SRBD1: variants seen among roughly 807,000 people sequenced by gnomAD.
SRBD1 encodes S1 RNA-binding domain-containing protein 1.
In SRBD1, 88 loss-of-function variants were observed where a neutral mutation model predicts 115.3. The ratio of observed to expected loss-of-function variants is 0.76; its 90% CI spans 0.64 to 0.91. The LOEUF (loss-of-function observed/expected upper bound fraction) is 0.91, where lower values mean the gene tolerates loss of function less well. SRBD1 is among the 40% of genes least tolerant of loss of function. The pLI is 0.00. For synonymous variants in SRBD1, 509 were observed against 407.7 expected, an observed-to-expected ratio of 1.25 and a Z score of -2.99; for missense variants, 1,385 against 1,177.4, an observed-to-expected ratio of 1.18 and a Z score of -2.58.
At chr2:45,409,775 A>ATATATAT (rs1408141282) in intron 19 of SRBD1, among the ~76,000 whole-genome samples, 3 of 152,168 alleles carry the variant, frequency 2.0e-5, no homozygotes, top group Non-Finnish European at 4.4e-5. Flanking sequence ...AATAGTGTTG[A>ATATATAT]AAAACATATA....
intron 16 of SRBD1, among the ~76,000 whole-genome samples, chr2:45,470,650 C>T (rs1669620606): frequency 1.3e-5 from 2 of 152,226 alleles, no homozygotes; most frequent in Middle Eastern, 3.4e-3. Context: ...TATGACAAGG[C>T]CAAGCTAAAC....
intron 18 of SRBD1, among the ~76,000 whole-genome samples, chr2:45,414,896 CACACACATATAGTGTGTATATAGTATGT>C (rs1483520652): frequency 2.3e-5 from 3 of 132,866 alleles, no homozygotes; most frequent in African/African-American, 3.1e-5. Context: ...ATAGTATGTA[CACACACATATAGTGTGTATATAGTATGT>C]ACACACACAG....
intron 16 of SRBD1, among the ~76,000 whole-genome samples, chr2:45,457,917 T>C (rs112611432): frequency 4.0e-4 from 61 of 152,150 alleles, no homozygotes; most frequent in African/African-American, 1.1e-3. Context: ...TCATACAAAA[T>C]ATGCTTTTCA....
intron 14 of SRBD1, among the ~76,000 whole-genome samples, chr2:45,506,341 G>A (rs1670796532): frequency 6.6e-6 from 1 of 152,054 alleles, no homozygotes; most frequent in East Asian, 1.9e-4. Flanking sequence ...CCTCTCTTAT[G>A]GCACAAGATA....
intron 14 of SRBD1, among the ~76,000 whole-genome samples, chr2:45,496,203 G>A (rs569805304): frequency 2.6e-5 from 4 of 152,244 alleles, no homozygotes; most frequent in African/African-American, 9.6e-5. Flanking sequence ...TAGCTTAAAT[G>A]CATCTGTGGG....
chr2:45,391,913 T>C (rs2103812408), intron 20 of SRBD1, among the ~76,000 whole-genome samples: 1 of 152,212 alleles, frequency 6.6e-6, no homozygotes, highest in South Asian at 2.1e-4. Flanking sequence ...CCATACCACC[T>C]CCAAATCCAG....
intron 18 of SRBD1, among the ~76,000 whole-genome samples, chr2:45,414,932 C>T (rs910501388): frequency 9.1e-6 from 1 of 109,846 alleles, no homozygotes; most frequent in Non-Finnish European, 1.7e-5. Flanking sequence ...TGTACACACA[C>T]AGTGTTATAT....
intron 8 of SRBD1, among the ~76,000 whole-genome samples, chr2:45,573,904 T>G (rs2104152445): frequency 6.6e-6 from 1 of 152,214 alleles, no homozygotes; most frequent in South Asian, 2.1e-4. Flanking sequence ...CTAGGTCATC[T>G]CCTCCTTTCC....
At chr2:45,582,972 A>C (rs1673411592) in intron 5 of SRBD1, among the ~76,000 whole-genome samples, 1 of 152,182 alleles carries the variant, frequency 6.6e-6, no homozygotes, top group Admixed American at 6.5e-5. Flanking sequence ...TACAGGGATC[A>C]CTAAACAACT....
chr2:45,418,352 TACTTATACTCACCTGC>T lies in SRBD1; in HGVS notation c.2330_2333+12del. The T allele has an allele frequency of 6.2e-7, 1 of 1,612,388 alleles. No homozygotes were observed. The highest frequency in any genetic ancestry group is 2.2e-5 in the East Asian group (1 of 44,848). On this transcript the variant is annotated splice_donor_variant and splice_donor_5th_base_variant and coding_sequence_variant and intron_variant, in exon 18 of 21. Transcript: ENST00000263736. LOFTEE classifies it high-confidence loss of function. ...AGGTTGACAATAGAATCAAAGTGTA[TACTTATACTCACCTGC>T]AAAACGTTCGGATATAATCCTGGTT...
At chr2:45,499,269 A>G (rs1234177449) in intron 14 of SRBD1, among the ~76,000 whole-genome samples, 3 of 152,116 alleles carry the variant, frequency 2.0e-5, no homozygotes, top group Non-Finnish European at 4.4e-5. Flanking sequence ...TTTCTTTAAT[A>G]TATCTAGTGG....
chr2:45,477,758 T>C (rs1366756308), intron 15 of SRBD1, among the ~76,000 whole-genome samples: 1 of 152,182 alleles, frequency 6.6e-6, no homozygotes, highest in Non-Finnish European at 1.5e-5. Context: ...ACTTGGCTAA[T>C]GAATATACTC....
intron 1 of SRBD1, among the ~76,000 whole-genome samples, chr2:45,610,518 T>C (rs1316611558): frequency 6.6e-6 from 1 of 152,238 alleles, no homozygotes; most frequent in Non-Finnish European, 1.5e-5. Flanking sequence ...CAAAGGACTA[T>C]AGCCCAGTGC....
intron 4 of SRBD1, among the ~76,000 whole-genome samples, chr2:45,586,710 A>ATTT (rs747668841): frequency 6.9e-6 from 1 of 145,212 alleles, no homozygotes; most frequent in Admixed American, 6.9e-5. Context: ...CACCTGGCTA[A>ATTT]TTTTTTTTTT....
chr2:45,543,314 G>A (rs1672005726), intron 14 of SRBD1, among the ~76,000 whole-genome samples: 1 of 152,164 alleles, frequency 6.6e-6, no homozygotes, highest in African/African-American at 2.4e-5. Context: ...GTATTTTAAG[G>A]GTAGGGAGAG....
intron 4 of SRBD1, among the ~76,000 whole-genome samples, chr2:45,598,428 C>T (rs1319061644): frequency 1.3e-5 from 2 of 151,768 alleles, no homozygotes; most frequent in Non-Finnish European, 2.9e-5. Context: ...TCCTGGCTAA[C>T]ACGGTGAAAC....
chr2:45,446,698 GA>G lies in SRBD1; in HGVS notation c.2050-26805del, dbSNP rs562855287. Among the ~76,000 whole-genome samples, 342 of 141,614 alleles carry G rather than the reference GA, an allele frequency of 2.4e-3. 2 individuals carry two copies. The highest frequency in any genetic ancestry group is 7.6e-3 in the African/African-American group (296 of 38,786). 92.9% of individuals were successfully genotyped at this position (141,614 alleles called of 152,430 possible). ...ATGAGCATCTAGGCATATCAAGATG[GA>G]AAAAAAAAAACCCCACAGAACACCT... is the stretch of plus-strand genomic sequence containing the variant. On this transcript the variant is annotated intron_variant, in intron 16 of 20. Transcript: ENST00000263736.
chr2:45,527,196 G>A lies in SRBD1; in HGVS notation c.1874+19536C>T, dbSNP rs1337479833. Among the ~76,000 whole-genome samples, 5 of 151,730 alleles carry A rather than the reference G, an allele frequency of 3.3e-5. No homozygotes were observed. In the East Asian group the frequency reaches 5.8e-4, roughly 18 times the overall value. On this transcript the variant is annotated intron_variant, in intron 14 of 20. Transcript: ENST00000263736. ...CATACATTATGTGTGGGGGAGGGGG[G>A]CCAGCAAGTTTTAAATCAATTCAAA...
chr2:45,512,743 CT>C (rs1671006852), intron 14 of SRBD1, among the ~76,000 whole-genome samples: 1 of 152,174 alleles, frequency 6.6e-6, no homozygotes, highest in African/African-American at 2.4e-5. Context: ...CAAAGATTCA[CT>C]GGTAAAGTGC....
Sources: allele counts gnomAD v4.1 joint callset (sites outside exome capture counted in the v4.1 genomes callset), GRCh38; gene constraint gnomAD v4.1.1; transcripts MANE v1.5; gene names NCBI Gene and HGNC (gene_info 2026-07-23, HGNC 2026-07-21).